Variants in CSMD1 observed in about 807,000 individuals in gnomAD.
CSMD1 encodes CUB and sushi domain-containing protein 1.
A neutral mutation model predicts 417.5 loss-of-function variants in CSMD1; 213 were observed. The observed-to-expected ratio is 0.51, with a 90% CI of 0.46 to 0.57. The LOEUF (loss-of-function observed/expected upper bound fraction) is 0.57, where lower values mean the gene tolerates loss of function less well. Ranked by LOEUF, CSMD1 falls within the 20% of genes least tolerant of loss-of-function variation. The pLI is 0.00. For synonymous variants in CSMD1, 2,862 were observed against 1,736.8 expected, an observed-to-expected ratio of 1.65 and a Z score of -16.11; for missense variants, 6,923 against 4,529.7, an observed-to-expected ratio of 1.53 and a Z score of -15.17.
chr8:4,625,154 G>A (rs1802023613), intron 2 of CSMD1, among the ~76,000 whole-genome samples: 1 of 152,004 alleles, frequency 6.6e-6, no homozygotes, highest in African/African-American at 2.4e-5. Flanking sequence ...GAAAATACGA[G>A]GACGGGAATC....
chr8:3,637,644 T>C (rs894366417), intron 7 of CSMD1, among the ~76,000 whole-genome samples: 3 of 152,226 alleles, frequency 2.0e-5, no homozygotes, highest in African/African-American at 7.2e-5. Context: ...TTAAAGTCTA[T>C]GATTCAATCC....
At chr8:3,418,932 T>C (rs1813321054) in intron 12 of CSMD1, among the ~76,000 whole-genome samples, 1 of 152,176 alleles carries the variant, frequency 6.6e-6, no homozygotes, top group African/African-American at 2.4e-5. Context: ...ACATGAAAGG[T>C]ATGCATAATG....
chr8:4,169,258 G>A (rs1461880362), intron 3 of CSMD1, among the ~76,000 whole-genome samples: 1 of 152,126 alleles, frequency 6.6e-6, no homozygotes, highest in Non-Finnish European at 1.5e-5. Context: ...ACAGATGTCT[G>A]ATGGGTGCCT....
At chr8:4,350,878 AG>A (rs1390379384) in intron 3 of CSMD1, among the ~76,000 whole-genome samples, 2 of 152,154 alleles carry the variant, frequency 1.3e-5, no homozygotes, top group Non-Finnish European at 2.9e-5. Context: ...CGGTGGATGG[AG>A]GGGAAAGGAT....
Position 3,961,188 on chromosome 8 carries a change from G to C in CSMD1, c.818+36715C>G, listed in dbSNP as rs868070148. On this transcript the variant is annotated intron_variant, in intron 5 of 69. Transcript: ENST00000635120. ...AAGTTATCATTTTCTCTGCCTATAAGCATGAAAGTCATTGTCTCAATTAAG... is the reference window on the plus strand; with the variant it reads ...AAGTTATCATTTTCTCTGCCTATAACCATGAAAGTCATTGTCTCAATTAAG... 7.2e-5 allele frequency among the ~76,000 whole-genome samples: 11 copies of C among 152,180 alleles called. No homozygotes were observed. In the South Asian group the frequency reaches 8.3e-4, roughly 11 times the overall value.
chr8:4,286,195 T>G (rs2128863657), intron 3 of CSMD1, among the ~76,000 whole-genome samples: 1 of 152,266 alleles, frequency 6.6e-6, no homozygotes, highest in African/African-American at 2.4e-5. Context: ...TTTTCTTTTC[T>G]CCCGACTGCA....
chr8:3,767,904 T>C (rs1051368539), intron 5 of CSMD1, among the ~76,000 whole-genome samples: 2 of 152,160 alleles, frequency 1.3e-5, no homozygotes, highest in Non-Finnish European at 2.9e-5. Flanking sequence ...TTAAAAAGTT[T>C]CCCAACTTCT....
chr8:4,393,165 G>A (rs899064237), intron 3 of CSMD1, among the ~76,000 whole-genome samples: 5 of 151,646 alleles, frequency 3.3e-5, no homozygotes, highest in African/African-American at 4.8e-5. Context: ...TAGTAGAGAC[G>A]AAGTTTCACC....
chr8:3,551,667 T>C (rs147849983), intron 10 of CSMD1, among the ~76,000 whole-genome samples: 3 of 151,178 alleles, frequency 2.0e-5, no homozygotes, highest in South Asian at 4.2e-4. Context: ...AGCCAGTGTA[T>C]AGTTTCTTAC....
chr8:4,795,700 C>T (rs1005445301), intron 1 of CSMD1, among the ~76,000 whole-genome samples: 3 of 152,124 alleles, frequency 2.0e-5, no homozygotes, highest in African/African-American at 7.2e-5. Context: ...CTGGGATCCG[C>T]AGATCCAGGC....
chr8:3,880,781 ATG>A (rs1374565316), intron 5 of CSMD1, among the ~76,000 whole-genome samples: 2 of 152,214 alleles, frequency 1.3e-5, no homozygotes, highest in South Asian at 2.1e-4. Flanking sequence ...ACGAAAAACA[ATG>A]TATTTTCTTT....
intron 3 of CSMD1, among the ~76,000 whole-genome samples, chr8:4,195,441 G>C (rs565987929): frequency 8.7e-4 from 132 of 152,252 alleles, no homozygotes; most frequent in African/African-American, 3.0e-3. Flanking sequence ...ATTTAAAAAA[G>C]ACGAGTGTGG....
chr8:4,949,303 T>C (rs902899336), intron 1 of CSMD1, among the ~76,000 whole-genome samples: 1 of 117,658 alleles, frequency 8.5e-6, no homozygotes, highest in African/African-American at 2.7e-5. Flanking sequence ...GTAGCTGTTT[T>C]GTTAAAAAAA....
intron 8 of CSMD1, among the ~76,000 whole-genome samples, chr8:3,606,269 G>C (rs748104965): frequency 6.6e-6 from 1 of 152,048 alleles, no homozygotes; most frequent in Non-Finnish European, 1.5e-5. Context: ...TGGTGGTTGT[G>C]CGAACATCAC....
chr8:4,702,274 A>T (rs1807611085), intron 1 of CSMD1, among the ~76,000 whole-genome samples: 1 of 152,160 alleles, frequency 6.6e-6, no homozygotes, highest in South Asian at 2.1e-4. Flanking sequence ...TAAAAATAAA[A>T]AATCAACAGG....
chr8:3,793,140 C>T (rs556069742), intron 5 of CSMD1, among the ~76,000 whole-genome samples: 2 of 152,180 alleles, frequency 1.3e-5, no homozygotes, highest in South Asian at 2.1e-4. Context: ...AGGAACTGCT[C>T]GAATAATTTA....
chr8:4,050,004 G>A (rs899761431), intron 3 of CSMD1, among the ~76,000 whole-genome samples: 1 of 152,162 alleles, frequency 6.6e-6, no homozygotes, highest in Non-Finnish European at 1.5e-5. Flanking sequence ...TGTTTTAAGG[G>A]CCTTGATGGT....
chr8:2,961,166 A>G lies in CSMD1; in HGVS notation c.9677T>C (p.Ile3226Thr). The G allele has an allele frequency of 1.2e-6, 2 of 1,603,088 alleles. No homozygotes were observed. The highest frequency in any genetic ancestry group is 1.7e-6 in the Non-Finnish European group (2 of 1,172,670). Residue 3226 changes from isoleucine (I) to threonine (T), a missense_variant, in exon 62 of 70, where the codon ATA becomes ACA. Physicochemically the swap from Ile to Thr is moderately conservative, Grantham distance 89. Transcript: ENST00000635120. ...CTCATAGCCTCTGGAGCTATTCTGT[A>G]TTCCAAAGTGTGGCGTACCAGGGTC... ...CPDPGTPHFG[I>T]QNSSRGYEVG...
intron 3 of CSMD1, among the ~76,000 whole-genome samples, chr8:4,203,689 C>G (rs988372886): frequency 6.6e-6 from 1 of 151,882 alleles, no homozygotes; most frequent in Non-Finnish European, 1.5e-5. Flanking sequence ...AAGTAGGGAT[C>G]ACACACACAC....
Sources: gnomAD v4.1 joint callset for allele counts (sites outside exome capture counted in the v4.1 genomes callset) on GRCh38, gnomAD v4.1.1 for gene constraint, MANE v1.5 for transcripts, NCBI Gene and HGNC (gene_info 2026-07-23, HGNC 2026-07-21) for gene names.